CABIN1: variants seen among roughly 807,000 people sequenced by gnomAD.
CABIN1 encodes calcineurin binding protein 1.
In CABIN1, 133 loss-of-function variants were observed where a neutral mutation model predicts 227.7. The observed-to-expected ratio is 0.58, with a 90% CI of 0.51 to 0.67. The LOEUF is 0.67. Ranked by LOEUF, CABIN1 falls within the 30% of genes least tolerant of loss-of-function variation. The pLI is 0.00. For missense variants in CABIN1, 2,408 were observed against 2,852.5 expected, an observed-to-expected ratio of 0.84 and a Z score of 3.55; for synonymous variants, 1,086 against 1,155.1, an observed-to-expected ratio of 0.94 and a Z score of 1.21.
At chr22:24,169,322 G>A (rs904283883) in intron 33 of CABIN1, among the ~76,000 whole-genome samples, 6 of 152,096 alleles carry the variant, frequency 3.9e-5, no homozygotes, top group Admixed American at 6.5e-5. Flanking sequence ...CGATGCCCCC[G>A]GTAGCCTCGT....
At chr22:24,041,040 GGGCCTGCAGCAGA>G (rs1168848395) in intron 4 of CABIN1, 86 bp from the exon 5 acceptor site, 1 of 1,427,842 alleles carries the variant, frequency 7.0e-7, no homozygotes, top group African/African-American at 1.4e-5. Context: ...ACTGGCTCAA[GGGCCTGCAGCAGA>G]GGCCAGCCTG....
chr22:24,152,133 CT>C (rs1356055532), intron 29 of CABIN1, among the ~76,000 whole-genome samples: 3 of 152,268 alleles, frequency 2.0e-5, no homozygotes, highest in African/African-American at 7.2e-5. Context: ...CAGCTGTCCA[CT>C]GAGATGGAGG....
chr22:24,019,649 C>T (rs574421765), intron 1 of CABIN1, among the ~76,000 whole-genome samples: 34 of 144,836 alleles, frequency 2.3e-4, no homozygotes, highest in Middle Eastern at 3.6e-3. Context: ...TTTTCTTTAC[C>T]CTTTTTTTTT....
Position 24,083,257 on chromosome 22 carries a change from ATCC to A in CABIN1, c.2779_2781del (p.Ser927del). 1.9e-6 allele frequency: 3 copies of A among 1,612,864 alleles called. No homozygotes were observed. Among genetic ancestry groups the A allele is most frequent in the Non-Finnish European group, 2.5e-6 (3 of 1,180,046 alleles). ...GAGTACTCCAGAAGGAACTGGCTGCATCCACCTCTGAAGACACGCACCCTTACA... is the reference window on the plus strand; with the variant it reads ...GAGTACTCCAGAAGGAACTGGCTGCAACCTCTGAAGACACGCACCCTTACA... On this transcript the variant is annotated inframe_deletion, in exon 20 of 37. Coordinates refer to ENST00000263119, the MANE Select transcript of CABIN1 (RefSeq NM_012295.4).
chr22:24,118,196 A>C (rs2043194477), intron 27 of CABIN1, among the ~76,000 whole-genome samples: 1 of 151,806 alleles, frequency 6.6e-6, no homozygotes, highest in Non-Finnish European at 1.5e-5. Flanking sequence ...CAGGAGAAGG[A>C]GTGATGGTGG....
intron 31 of CABIN1, among the ~76,000 whole-genome samples, chr22:24,166,155 G>A (rs945246643): frequency 2.0e-5 from 3 of 152,214 alleles, no homozygotes; most frequent in African/African-American, 4.8e-5. Flanking sequence ...TCAACTTGAG[G>A]CTGTTGGGGA....
chr22:24,123,038 C>T (rs1224857525), intron 28 of CABIN1, among the ~76,000 whole-genome samples: 1 of 152,150 alleles, frequency 6.6e-6, no homozygotes, highest in Non-Finnish European at 1.5e-5. Context: ...ACCCTGTCCA[C>T]ACTCATAGTT....
chr22:24,166,607 G>A (rs759616434), intron 31 of CABIN1, 32 bp from the exon 32 acceptor site: 14 of 1,612,338 alleles, frequency 8.7e-6, no homozygotes, highest in Non-Finnish European at 1.1e-5. Context: ...AGACACCAGC[G>A]ACACAGCTTC....
rs540700774 is a variant in CABIN1 at position 24,021,768 on chromosome 22, T to A, written c.-75+10401T>A. Among the ~76,000 whole-genome samples the A allele has an allele frequency of 2.8e-4, 42 of 152,240 alleles. 1 individual carries two copies. Among genetic ancestry groups the A allele is most frequent in the Non-Finnish European group, 5.1e-4 (35 of 68,040 alleles). ...TTGCCCCAGGCTGGAGTGCAGTGGCTCTGCCTCCCAGGTTCAAGCGATTCT... is the reference window on the plus strand; with the variant it reads ...TTGCCCCAGGCTGGAGTGCAGTGGCACTGCCTCCCAGGTTCAAGCGATTCT... On this transcript the variant is annotated intron_variant, in intron 1 of 36. Transcript: ENST00000263119.
At position 24,177,450 on chromosome 22, in the gene CABIN1, G is replaced by T. The variant is rs996310919; in HGVS notation, c.6206-54G>T. 7.0e-7 allele frequency: 1 copy of T among 1,432,774 alleles called. No homozygotes were observed. Among genetic ancestry groups the T allele is most frequent in the Non-Finnish European group, 9.4e-7 (1 of 1,066,532 alleles). 88.8% of individuals were successfully genotyped at this position (1,432,774 alleles called of 1,614,324 possible). On this transcript the variant is annotated intron_variant, in intron 35 of 36. Coordinates refer to ENST00000263119, the MANE Select transcript of CABIN1 (RefSeq NM_012295.4). This position sits in a 1 kb window ranked among gnomAD's most constrained non-coding sequence, Gnocchi z 4.4. ...GGAGCGGGTGGGGGCGAGATAAAGT[G>T]CTCACTGTGTGATGCGGCAGGCAGG...
intron 29 of CABIN1, among the ~76,000 whole-genome samples, chr22:24,135,670 G>A (rs1569266602): frequency 1.3e-5 from 2 of 152,326 alleles, no homozygotes; most frequent in East Asian, 3.9e-4. Flanking sequence ...CTCCCAGCTG[G>A]ATGACTTTGG....
In CABIN1 at chr22:24,050,833, C is replaced by T. The variant is rs760553839; in HGVS notation, c.665C>T (p.Ser222Leu). The change falls in exon 8 of 37, where the codon TCG becomes TTG. Residue 222 changes from serine (S) to leucine (L), a missense_variant. Transcript: ENST00000263119. ...SLRMFLKCDMSIHDVSVSAAE... is the reference protein window; with the variant it reads ...SLRMFLKCDMLIHDVSVSAAE... ...GTCTCACATGCTTTTAGTGACATGTCGATTCACGATGTTTCGGTGAGTGCA... is the reference window on the plus strand; with the variant it reads ...GTCTCACATGCTTTTAGTGACATGTTGATTCACGATGTTTCGGTGAGTGCA... The T allele has an allele frequency of 2.8e-5, 45 of 1,614,016 alleles. No homozygotes were observed. Among genetic ancestry groups the T allele is most frequent in the East Asian group, 1.6e-4 (7 of 44,900 alleles).
chr22:24,036,966 A>T (rs560500747), intron 3 of CABIN1, among the ~76,000 whole-genome samples: 2 of 152,230 alleles, frequency 1.3e-5, no homozygotes, highest in African/African-American at 4.8e-5. Flanking sequence ...GAGTAGAAAA[A>T]CATGGAAACC....
intron 34 of CABIN1, among the ~76,000 whole-genome samples, chr22:24,172,760 G>A (rs537004903): frequency 6.6e-6 from 1 of 152,330 alleles, no homozygotes; most frequent in East Asian, 1.9e-4. Flanking sequence ...TGAGAGGGGA[G>A]TAGACAAGGC....
intron 29 of CABIN1, among the ~76,000 whole-genome samples, chr22:24,153,494 T>G (rs1439322013): frequency 6.6e-6 from 1 of 152,148 alleles, no homozygotes; most frequent in Non-Finnish European, 1.5e-5. Flanking sequence ...GGGCAGGCAG[T>G]CTCACCAGCC....
At chr22:24,076,341 G>A in intron 19 of CABIN1, 57 bp downstream of exon 19, 1 of 1,407,190 alleles carries the variant, frequency 7.1e-7, no homozygotes, top group Non-Finnish European at 1.0e-6. Flanking sequence ...TGGGGTGGGA[G>A]GTGGAATGGG....
At chr22:24,070,767 C>A in intron 16 of CABIN1, 33 bp from the exon 17 acceptor site, 1 of 1,613,938 alleles carries the variant, frequency 6.2e-7, no homozygotes, top group African/African-American at 1.3e-5. Flanking sequence ...GCTGAGCTCA[C>A]CGTGCACTTC....
At chr22:24,055,944 A>G (rs2038763396) in intron 9 of CABIN1, among the ~76,000 whole-genome samples, 1 of 152,198 alleles carries the variant, frequency 6.6e-6, no homozygotes. Context: ...CTTGCTTTGT[A>G]GCTGTGGAAA....
intron 25 of CABIN1, among the ~76,000 whole-genome samples, chr22:24,097,806 A>T (rs1305002658): frequency 4.6e-5 from 7 of 152,328 alleles, no homozygotes; most frequent in African/African-American, 1.4e-4. Flanking sequence ...TGCCAGAAAG[A>T]TTAGGCAGTG....
Sources: allele counts gnomAD v4.1 joint callset (sites outside exome capture counted in the v4.1 genomes callset), GRCh38; gene constraint gnomAD v4.1.1; non-coding constraint Gnocchi (gnomAD v3.1); transcripts MANE v1.5; gene names NCBI Gene and HGNC (gene_info 2026-07-23, HGNC 2026-07-21).